CHN2: variants seen among roughly 807,000 people sequenced by gnomAD.
CHN2 encodes the protein beta-chimaerin.
A neutral mutation model predicts 56.3 loss-of-function variants in CHN2; 35 were observed. That is an observed-to-expected ratio of 0.62 (90% CI 0.47 to 0.82). The LOEUF (loss-of-function observed/expected upper bound fraction) is 0.82, where lower values mean the gene tolerates loss of function less well. CHN2 is among the 40% of genes least tolerant of loss of function. CHN2 has a pLI of 0.00. For missense variants in CHN2, 491 were observed against 580.5 expected, an observed-to-expected ratio of 0.85 and a Z score of 1.58; for synonymous variants, 210 against 212.8, an observed-to-expected ratio of 0.99 and a Z score of 0.12.
At chr7:29,398,057 AAG>A (rs1491342239) in intron 4 of CHN2, 29 of 114,384 alleles carry the variant, frequency 2.5e-4, no homozygotes, top group African/African-American at 8.9e-4. Flanking sequence ...GGTTAAAAAA[AAG>A]GGGGGGGGGG....
intron 12 of CHN2, 99 bp from the exon 13 acceptor site, chr7:29,512,465 C>G (rs766082938): frequency 9.6e-7 from 1 of 1,041,770 alleles, no homozygotes; most frequent in African/African-American, 1.6e-5. Context: ...TTGCAATTTC[C>G]TGAACCAGAG....
chr7:29,263,010 CT>C (rs1789692610), intron 1 of CHN2, among the ~76,000 whole-genome samples: 1 of 151,990 alleles, frequency 6.6e-6, no homozygotes, highest in Admixed American at 6.6e-5. Flanking sequence ...CCCTTCTCCC[CT>C]CTCCCCTCTC....
intron 6 of CHN2, among the ~76,000 whole-genome samples, chr7:29,429,821 G>A (rs1482463629): frequency 6.6e-6 from 1 of 152,148 alleles, no homozygotes; most frequent in South Asian, 2.1e-4. Flanking sequence ...TAACAATATG[G>A]TGTACTTTTG....
chr7:29,280,112 G>T (rs780352775), intron 1 of CHN2, among the ~76,000 whole-genome samples: 1 of 152,134 alleles, frequency 6.6e-6, no homozygotes, highest in Non-Finnish European at 1.5e-5. Flanking sequence ...GGCCATGCGC[G>T]GTGGCTCACG....
intron 6 of CHN2, among the ~76,000 whole-genome samples, chr7:29,426,746 G>A (rs547465133): frequency 3.3e-5 from 5 of 152,296 alleles, no homozygotes; most frequent in South Asian, 2.1e-4. Flanking sequence ...TGGACCAGGC[G>A]GACTCTTATC....
chr7:29,490,615 C>T (rs1788554057), intron 7 of CHN2, among the ~76,000 whole-genome samples: 1 of 152,124 alleles, frequency 6.6e-6, no homozygotes, highest in African/African-American at 2.4e-5. Flanking sequence ...GGATATAATT[C>T]ATCTGTCTGA....
At chr7:29,203,922 TTTG>T (rs1359753443) in intron 1 of CHN2, among the ~76,000 whole-genome samples, 1 of 152,236 alleles carries the variant, frequency 6.6e-6, no homozygotes, top group Non-Finnish European at 1.5e-5. Context: ...GATTTTGTGT[TTTG>T]TTTTGTTTGG....
rs1001608442 is a variant in CHN2, at chr7:29,495,814, G to A, written c.655-138G>A. ...TCAAAGCACATCTCTGTTTTCTCAGGATCTGTTTGCAACTGCTTTACTGGA... is the reference window on the plus strand; with the variant it reads ...TCAAAGCACATCTCTGTTTTCTCAGAATCTGTTTGCAACTGCTTTACTGGA... On this transcript the variant is annotated intron_variant, in intron 7 of 12. Transcript: ENST00000222792. 14 of 679,396 alleles carry A rather than the reference G, an allele frequency of 2.1e-5. No homozygotes were observed. The South Asian group carries it at 2.3e-4, about 11-fold the overall frequency. 42.1% of individuals were successfully genotyped at this position (679,396 alleles called of 1,614,324 possible).
intron 1 of CHN2, among the ~76,000 whole-genome samples, chr7:29,262,657 A>G (rs1157628205): frequency 2.0e-5 from 3 of 152,202 alleles, no homozygotes; most frequent in Non-Finnish European, 4.4e-5. Flanking sequence ...CTAGATTTTA[A>G]TGGGTGTAGA....
chr7:29,307,600 A>G (rs1794272800), intron 1 of CHN2, among the ~76,000 whole-genome samples: 1 of 152,204 alleles, frequency 6.6e-6, no homozygotes, highest in African/African-American at 2.4e-5. Flanking sequence ...TAATCACAAG[A>G]GCCCATTTAA....
chr7:29,300,104 C>T (rs1008069175), intron 1 of CHN2, among the ~76,000 whole-genome samples: 9 of 152,142 alleles, frequency 5.9e-5, no homozygotes, highest in Admixed American at 2.6e-4. Context: ...TCTTCTGTTC[C>T]GGGGTGGAAC....
chr7:29,146,661 C>T (rs1413543164), exon 1 of CHN2: 2 of 1,550,484 alleles, frequency 1.3e-6, no homozygotes, highest in African/African-American at 1.4e-5. Flanking sequence ...CGCATCAAGT[C>T]AGCGCTTCCC....
intron 1 of CHN2, 120 bp from the exon 2 acceptor site, chr7:29,354,505 A>AGTCCCC (rs1798134827): frequency 1.2e-6 from 1 of 811,072 alleles, no homozygotes; most frequent in South Asian, 1.6e-5. Context: ...ATGAGAAGAG[A>AGTCCCC]GTCCCCCTGA....
intron 6 of CHN2, among the ~76,000 whole-genome samples, chr7:29,473,011 T>C (rs1206991247): frequency 6.6e-6 from 1 of 152,168 alleles, no homozygotes; most frequent in African/African-American, 2.4e-5. Flanking sequence ...ATCATACTAA[T>C]ATACATCCAG....
At chr7:29,398,701 C>T (rs945186839) in intron 5 of CHN2, among the ~76,000 whole-genome samples, 2 of 151,848 alleles carry the variant, frequency 1.3e-5, no homozygotes, top group Admixed American at 6.6e-5. Context: ...GGCTCAAGTG[C>T]CTCCCACCTT....
At chr7:29,480,968 T>A (rs1157053411) in intron 7 of CHN2, among the ~76,000 whole-genome samples, 1 of 152,198 alleles carries the variant, frequency 6.6e-6, no homozygotes, top group East Asian at 1.9e-4. Flanking sequence ...GGTGAGGGGT[T>A]AAGTGGAATT....
At chr7:29,448,353 G>A (rs748434789) in intron 6 of CHN2, among the ~76,000 whole-genome samples, 3 of 151,676 alleles carry the variant, frequency 2.0e-5, no homozygotes, top group African/African-American at 4.8e-5. Context: ...TTTCTTAGTC[G>A]TTGGAAATGA....
At chr7:29,164,615 T>C (rs1184220652) in intron 2 of CHN2, among the ~76,000 whole-genome samples, 1 of 151,728 alleles carries the variant, frequency 6.6e-6, no homozygotes, top group Non-Finnish European at 1.5e-5. Flanking sequence ...ACCCCATCTC[T>C]ACTAAAAATA....
intron 2 of CHN2, among the ~76,000 whole-genome samples, chr7:29,150,348 A>G (rs954992520): frequency 1.3e-5 from 2 of 152,276 alleles, no homozygotes; most frequent in African/African-American, 4.8e-5. Flanking sequence ...CTTGTCATAT[A>G]TAAAGGCTCA....
Sources: gnomAD v4.1 joint callset for allele counts (sites outside exome capture counted in the v4.1 genomes callset) on GRCh38, gnomAD v4.1.1 for gene constraint, MANE v1.5 for transcripts, NCBI Gene and HGNC (gene_info 2026-07-23, HGNC 2026-07-21) for gene names.